The following ANXA8 variants were observed in gnomAD, a reference collection of about 807,000 sequenced individuals.
ANXA8 encodes annexin A8, also known as VAC-beta.
In ANXA8, 9 loss-of-function variants were observed where a neutral mutation model predicts 26.8. That is an observed-to-expected ratio of 0.34 (90% CI 0.20 to 0.59). The LOEUF (loss-of-function observed/expected upper bound fraction) is 0.59. Among genes scored for constraint, ANXA8 ranks in the 20% least tolerant of loss-of-function variants. ANXA8 has a pLI of 0.84. For synonymous variants in ANXA8, 39 were observed against 94.8 expected (o/e 0.41, Z 3.42); for missense variants, 83 against 238.5 (o/e 0.35, Z 4.29).
At chr10:47,674,553 CT>C in the ANXA8 span, among the ~76,000 whole-genome samples, 1 of 151,456 alleles carries the variant, frequency 6.6e-6, no homozygotes, top group Non-Finnish European at 1.5e-5. Flanking sequence ...CAAAGTTACT[CT>C]TTTTTCTCCT....
the ANXA8 span, among the ~76,000 whole-genome samples, chr10:47,667,592 C>G: frequency 6.6e-6 from 1 of 151,852 alleles, no homozygotes; most frequent in East Asian, 1.9e-4. Context: ...CACTCTCGCC[C>G]AGGCTGGAGT....
chr10:47,696,682 C>T, the ANXA8 span, among the ~76,000 whole-genome samples: 2 of 144,528 alleles, frequency 1.4e-5, no homozygotes, highest in African/African-American at 5.1e-5. Context: ...TGAACTTGTA[C>T]ATTGTAAATC....
chr10:47,649,407 A>C, the ANXA8 span, among the ~76,000 whole-genome samples: 69 of 151,674 alleles, frequency 4.5e-4, no homozygotes, highest in African/African-American at 1.6e-3. Flanking sequence ...ACTTTATTAA[A>C]ATTAAATTTT....
At chr10:47,639,053 A>C in the ANXA8 span, among the ~76,000 whole-genome samples, 1 of 150,452 alleles carries the variant, frequency 6.6e-6, no homozygotes. Flanking sequence ...GGGGTATAGA[A>C]AAATGAGTGC....
At chr10:47,649,432 T>G in the ANXA8 span, among the ~76,000 whole-genome samples, 1 of 151,340 alleles carries the variant, frequency 6.6e-6, no homozygotes. Context: ...TTTGGTGAAA[T>G]GGAGTCTTGC....
chr10:47,645,350 T>C, the ANXA8 span, among the ~76,000 whole-genome samples: 1 of 148,056 alleles, frequency 6.8e-6, no homozygotes, highest in African/African-American at 2.6e-5. Flanking sequence ...GCTTAGGTAG[T>C]AACGTATTTG....
At chr10:47,567,008 T>A in the ANXA8 span, among the ~76,000 whole-genome samples, 1 of 147,386 alleles carries the variant, frequency 6.8e-6, no homozygotes, top group Non-Finnish European at 1.5e-5. Flanking sequence ...GGGCTTAGGG[T>A]CCTGTTCCAG....
chr10:47,565,816 G>T, the ANXA8 span: 2 of 1,187,412 alleles, frequency 1.7e-6, no homozygotes, highest in East Asian at 3.2e-5. Context: ...GACCTGCCAC[G>T]GCGGGAGGCA....
At chr10:47,946,777 C>T in the ANXA8 span, among the ~76,000 whole-genome samples, 729 of 151,592 alleles carry the variant, frequency 4.8e-3, 14 homozygotes, top group Middle Eastern at 0.024. Flanking sequence ...ACTGCAACCT[C>T]CGCCTCCCGG....
intron 1 of ANXA8, among the ~76,000 whole-genome samples, chr10:47,483,177 C>T (rs1373410689): frequency 0.03 from 4,606 of 151,288 alleles, 331 homozygotes; most frequent in African/African-American, 0.11. Context: ...CCCTGAGCCC[C>T]GGGTTCCTCC....
At chr10:47,687,282 A>G in the ANXA8 span, among the ~76,000 whole-genome samples, 8 of 141,084 alleles carry the variant, frequency 5.7e-5, 1 homozygote, top group African/African-American at 2.1e-4. Flanking sequence ...TTTTTTTTTG[A>G]GACAGAGTCT....
the ANXA8 span, among the ~76,000 whole-genome samples, chr10:47,607,502 A>T: frequency 1.3e-5 from 2 of 149,068 alleles, no homozygotes; most frequent in Admixed American, 1.3e-4. Context: ...TTAGAACAAC[A>T]TTATGGAAAA....
the ANXA8 span, chr10:47,565,183 C>G: frequency 1.5e-6 from 1 of 689,596 alleles, no homozygotes; most frequent in Middle Eastern, 3.8e-4. Context: ...CCGTGCAGGG[C>G]GACGCGGGCA....
the ANXA8 span, among the ~76,000 whole-genome samples, chr10:47,492,122 G>A: frequency 1.3e-5 from 2 of 150,958 alleles, no homozygotes; most frequent in Non-Finnish European, 2.9e-5. Flanking sequence ...GGGGTTCTAT[G>A]GGCCTGGAGA....
At chr10:47,748,659 C>T in the ANXA8 span, among the ~76,000 whole-genome samples, 12 of 152,284 alleles carry the variant, frequency 7.9e-5, no homozygotes, top group African/African-American at 1.2e-4. Flanking sequence ...TCCCTCCTGT[C>T]GTTTTCTTTT....
At chr10:47,966,429 G>A in the ANXA8 span, among the ~76,000 whole-genome samples, 1 of 150,930 alleles carries the variant, frequency 6.6e-6, no homozygotes, top group Non-Finnish European at 1.5e-5. Context: ...CTGGAGAAGG[G>A]TGGGGAATCT....
At chr10:47,939,303 C>CAAAAA in the ANXA8 span, among the ~76,000 whole-genome samples, 2 of 81,174 alleles carry the variant, frequency 2.5e-5, no homozygotes, top group Non-Finnish European at 4.3e-5. Flanking sequence ...AACTCTGTCT[C>CAAAAA]AAAAAAAAAA....
At chr10:47,676,898 G>A in the ANXA8 span, among the ~76,000 whole-genome samples, 5 of 146,274 alleles carry the variant, frequency 3.4e-5, no homozygotes, top group South Asian at 4.2e-4. Flanking sequence ...CCAGCCTGTC[G>A]ACAGAGCGAG....
chr10:47,940,813 G>A, the ANXA8 span, among the ~76,000 whole-genome samples: 1 of 141,250 alleles, frequency 7.1e-6, no homozygotes, highest in Non-Finnish European at 1.5e-5. Context: ...AGGCGACAGA[G>A]TGAGATTCCA....
Sources: gnomAD v4.1 joint callset for allele counts (sites outside exome capture counted in the v4.1 genomes callset) on GRCh38, gnomAD v4.1.1 for gene constraint, MANE v1.5 for transcripts, NCBI Gene and HGNC (gene_info 2026-07-23, HGNC 2026-07-21) for gene names.